ASTN2: variants seen among roughly 807,000 people sequenced by gnomAD.
ASTN2 encodes the protein astrotactin-2.
A neutral mutation model predicts 139.8 loss-of-function variants in ASTN2; 54 were observed. The ratio of observed to expected loss-of-function variants is 0.39; its 90% CI spans 0.31 to 0.48. ASTN2 has a LOEUF of 0.48. Ranked by LOEUF, ASTN2 falls within the 20% of genes least tolerant of loss-of-function variation. ASTN2 has a pLI of 0.95. For synonymous variants in ASTN2, 756 were observed against 719.5 expected (o/e 1.05, Z -0.81); for missense variants, 1,565 against 1,725.1 (o/e 0.91, Z 1.64).
intron 19 of ASTN2, among the ~76,000 whole-genome samples, chr9:116,524,290 A>C (rs1420313735): frequency 6.6e-6 from 1 of 152,204 alleles, no homozygotes; most frequent in Non-Finnish European, 1.5e-5. Flanking sequence ...AATAGGTGCT[A>C]CGTGAAATGT....
intron 3 of ASTN2, among the ~76,000 whole-genome samples, chr9:117,155,882 GGT>G (rs1830421980): frequency 6.6e-6 from 1 of 151,998 alleles, no homozygotes; most frequent in Non-Finnish European, 1.5e-5. Context: ...TTAACAGTAA[GGT>G]GACCACTAAA....
At chr9:116,746,412 T>C (rs1239364521) in intron 13 of ASTN2, among the ~76,000 whole-genome samples, 1 of 152,068 alleles carries the variant, frequency 6.6e-6, no homozygotes, top group Non-Finnish European at 1.5e-5. Flanking sequence ...CATCACACAC[T>C]CTTACTTCAT....
At chr9:116,942,090 GCACACACACA>G (rs71379244) in intron 10 of ASTN2, among the ~76,000 whole-genome samples, 2 of 149,882 alleles carry the variant, frequency 1.3e-5, no homozygotes, top group Non-Finnish European at 3.0e-5. Context: ...ACGCACGCAC[GCACACACACA>G]CACACACACA....
At chr9:116,509,526 T>C (rs1477180211) in intron 19 of ASTN2, among the ~76,000 whole-genome samples, 1 of 152,204 alleles carries the variant, frequency 6.6e-6, no homozygotes. Flanking sequence ...ATATACCCAG[T>C]AATGGGATGG....
intron 12 of ASTN2, among the ~76,000 whole-genome samples, chr9:116,808,693 A>G (rs1831091876): frequency 6.6e-6 from 1 of 152,128 alleles, no homozygotes. Flanking sequence ...TCAGAAAAGA[A>G]ATTGCTTGGT....
chr9:116,911,261 T>C (rs1834302637), intron 10 of ASTN2, among the ~76,000 whole-genome samples: 1 of 152,126 alleles, frequency 6.6e-6, no homozygotes, highest in Non-Finnish European at 1.5e-5. Flanking sequence ...GGGAAGAAAG[T>C]TTAAGAAAGA....
intron 4 of ASTN2, among the ~76,000 whole-genome samples, chr9:117,109,022 C>T (rs1454222862): frequency 1.3e-5 from 2 of 152,104 alleles, no homozygotes; most frequent in Admixed American, 6.5e-5. Flanking sequence ...TGGTGACTCA[C>T]GGCTGTAATC....
intron 1 of ASTN2, among the ~76,000 whole-genome samples, chr9:117,405,643 G>T (rs951040329): frequency 6.6e-6 from 1 of 152,056 alleles, no homozygotes; most frequent in Admixed American, 6.6e-5. Context: ...CTTTACCACA[G>T]GCTTGGTGAC....
chr9:117,283,228 T>C (rs1228134281), intron 2 of ASTN2, among the ~76,000 whole-genome samples: 1 of 152,132 alleles, frequency 6.6e-6, no homozygotes, highest in Non-Finnish European at 1.5e-5. Flanking sequence ...AAAATAAGCA[T>C]TTCCTATATT....
chr9:116,583,516 G>T (rs1490082682), intron 19 of ASTN2: 1 of 151,872 alleles, frequency 6.6e-6, no homozygotes, highest in Non-Finnish European at 1.5e-5. Flanking sequence ...TGCTGGTTAG[G>T]CATCCTTAAC....
At chr9:116,702,155 C>T (rs577880931) in intron 16 of ASTN2, among the ~76,000 whole-genome samples, 16 of 152,196 alleles carry the variant, frequency 1.1e-4, no homozygotes, top group African/African-American at 3.9e-4. Flanking sequence ...TGGCCTTGGG[C>T]AAGTCATTTA....
At chr9:116,521,729 G>A (rs1484312913) in intron 19 of ASTN2, among the ~76,000 whole-genome samples, 3 of 151,970 alleles carry the variant, frequency 2.0e-5, no homozygotes, top group Non-Finnish European at 4.4e-5. Context: ...CCACAGAGTG[G>A]GAGAAAATCG....
chr9:117,258,358 T>C (rs982190255), intron 2 of ASTN2, among the ~76,000 whole-genome samples: 9 of 152,140 alleles, frequency 5.9e-5, no homozygotes, highest in Admixed American at 5.9e-4. Context: ...TTGCAAATTG[T>C]TACCACGCAG....
chr9:116,829,040 G>T (rs1401244960), intron 11 of ASTN2, among the ~76,000 whole-genome samples: 1 of 151,954 alleles, frequency 6.6e-6, no homozygotes, highest in Non-Finnish European at 1.5e-5. Flanking sequence ...AACATCCCAT[G>T]CTCATGAATT....
At chr9:117,237,973 GTCTTTCCCAAGGAGGC>G (rs1833094255) in intron 2 of ASTN2, among the ~76,000 whole-genome samples, 1 of 152,166 alleles carries the variant, frequency 6.6e-6, no homozygotes, top group Non-Finnish European at 1.5e-5. Flanking sequence ...ACACACAGTT[GTCTTTCCCAAGGAGGC>G]TGACACTGGG....
At chr9:117,403,351 C>T (rs1310060827) in intron 1 of ASTN2, among the ~76,000 whole-genome samples, 1 of 152,200 alleles carries the variant, frequency 6.6e-6, no homozygotes, top group Non-Finnish European at 1.5e-5. Context: ...AAGTGTGCAG[C>T]CTCCCATGGG....
In ASTN2 at chr9:116,838,123, T is replaced by G. The variant is rs921464771; in HGVS notation, c.2041-17340A>C. ...TGTGTTTTTTTTTGTTTTGTTTTGT[T>G]TTTTGAGACAGAGTCACGCTCTGTC... On this transcript the variant is annotated intron_variant, in intron 11 of 22. Transcript: ENST00000313400. Among the ~76,000 whole-genome samples, 47 of 148,834 alleles carry G rather than the reference T, an allele frequency of 3.2e-4. 3 individuals carry two copies. The highest frequency in any genetic ancestry group is 1.1e-3 in the South Asian group (5 of 4,628).
intron 17 of ASTN2, among the ~76,000 whole-genome samples, chr9:116,649,226 G>A (rs530700565): frequency 6.6e-6 from 1 of 152,010 alleles, no homozygotes; most frequent in South Asian, 2.1e-4. Flanking sequence ...TAGTATATTT[G>A]AGGTGTAGGT....
chr9:116,944,610 G>C (rs1835331061), intron 10 of ASTN2, among the ~76,000 whole-genome samples: 1 of 150,260 alleles, frequency 6.7e-6, no homozygotes, highest in Admixed American at 6.7e-5. Flanking sequence ...TGAACCCAGG[G>C]GACGGATGCT....
Sources: allele counts gnomAD v4.1 joint callset (sites outside exome capture counted in the v4.1 genomes callset), GRCh38; gene constraint gnomAD v4.1.1; transcripts MANE v1.5; gene names NCBI Gene and HGNC (gene_info 2026-07-23, HGNC 2026-07-21).